Variants in FCHO2 observed in about 807,000 individuals in gnomAD.
The protein encoded by FCHO2 is F-BAR domain only protein 2.
A neutral mutation model predicts 114.1 loss-of-function variants in FCHO2; 43 were observed. The ratio of observed to expected loss-of-function variants is 0.38; its 90% confidence interval spans 0.30 to 0.49. FCHO2 has a LOEUF of 0.49. Ranked by LOEUF, FCHO2 falls within the 20% of genes least tolerant of loss-of-function variation. The pLI is 0.97. For synonymous variants in FCHO2, 293 were observed against 315.2 expected (o/e 0.93, Z 0.75); for missense variants, 807 against 950.4 (o/e 0.85, Z 1.98).
chr5:72,968,368 T>C, intron 1 of FCHO2, 130 bp from the exon 2 acceptor site: 1 of 587,288 alleles, frequency 1.7e-6, no homozygotes, highest in Non-Finnish European at 2.8e-6. Context: ...AATCATACAA[T>C]AAATGAGAAA....
intron 1 of FCHO2, among the ~76,000 whole-genome samples, chr5:72,962,657 A>G (rs59878574): frequency 0.013 from 1,922 of 152,162 alleles, 44 homozygotes; most frequent in African/African-American, 0.044. Context: ...CACTTTGGGA[A>G]GCTGAGGTGG....
chr5:72,996,585 A>C (rs1754119312), intron 5 of FCHO2, among the ~76,000 whole-genome samples: 1 of 116,134 alleles, frequency 8.6e-6, no homozygotes, highest in Admixed American at 9.9e-5. Flanking sequence ...TTCCCCAATT[A>C]ATCCTTCCCC....
intron 2 of FCHO2, among the ~76,000 whole-genome samples, chr5:72,989,034 C>T (rs1753688093): frequency 6.6e-6 from 1 of 151,900 alleles, no homozygotes; most frequent in Non-Finnish European, 1.5e-5. Flanking sequence ...CATAGCAAGG[C>T]CCCATCTCTA....
intron 22 of FCHO2, among the ~76,000 whole-genome samples, chr5:73,078,514 T>C (rs1043985757): frequency 6.6e-6 from 1 of 152,228 alleles, no homozygotes; most frequent in Non-Finnish European, 1.5e-5. Flanking sequence ...ATTAAAATAC[T>C]GAGTAAATTT....
intron 11 of FCHO2, among the ~76,000 whole-genome samples, chr5:73,048,571 A>T (rs1255578372): frequency 6.6e-6 from 1 of 152,238 alleles, no homozygotes; most frequent in East Asian, 1.9e-4. Flanking sequence ...ACCATAGTTT[A>T]TTCAGCTGTG....
rs1242402735 is a variant in FCHO2, at chr5:72,980,921, T to G, written c.126-8506T>G. ...CAATTTGCGAGTCTTTGTCTTTTAA[T>G]TGGGGCATTTAGCCTGTTTACATTT... On this transcript the variant is annotated intron_variant, in intron 2 of 25. Coordinates refer to ENST00000430046, the MANE Select transcript of FCHO2 (RefSeq NM_138782.3). 2.0e-5 allele frequency among the ~76,000 whole-genome samples: 3 copies of G among 152,218 alleles called. No homozygotes were observed. In the South Asian group the frequency reaches 6.2e-4, roughly 31 times the overall value.
At chr5:73,048,943 C>G (rs1347296389) in intron 11 of FCHO2, among the ~76,000 whole-genome samples, 1 of 134,550 alleles carries the variant, frequency 7.4e-6, no homozygotes, top group Non-Finnish European at 1.5e-5. Context: ...GTGGCGCGAT[C>G]TCGGCTCACT....
chr5:72,996,226 A>G (rs1025462771), intron 5 of FCHO2, among the ~76,000 whole-genome samples: 4 of 138,596 alleles, frequency 2.9e-5, no homozygotes, highest in African/African-American at 7.9e-5. Context: ...CTGGGCAACA[A>G]GAACGAAACT....
At chr5:73,001,600 T>C (rs1347290177) in intron 5 of FCHO2, among the ~76,000 whole-genome samples, 1 of 152,044 alleles carries the variant, frequency 6.6e-6, no homozygotes, top group African/African-American at 2.4e-5. Flanking sequence ...TTAAAGTTGA[T>C]TTGTAATTTC....
chr5:72,968,661 G>T (rs1199484186), intron 2 of FCHO2, 72 bp downstream of exon 2: 3 of 1,059,880 alleles, frequency 2.8e-6, no homozygotes, highest in Non-Finnish European at 4.0e-6. Context: ...ATAAATAATG[G>T]AGAAAACTTT....
intron 12 of FCHO2, among the ~76,000 whole-genome samples, chr5:73,051,655 C>T (rs1257149622): frequency 6.6e-6 from 1 of 152,098 alleles, no homozygotes; most frequent in Admixed American, 6.6e-5. Context: ...CAGCCTCTGC[C>T]TCCCGGGTTT....
chr5:73,024,003 C>T (rs1164600525), intron 8 of FCHO2, among the ~76,000 whole-genome samples: 1 of 152,096 alleles, frequency 6.6e-6, no homozygotes, highest in Non-Finnish European at 1.5e-5. Context: ...TACCTTTAAG[C>T]TCACTGCTTG....
chr5:73,077,972 A>G (rs1742971403), intron 21 of FCHO2, among the ~76,000 whole-genome samples: 1 of 152,164 alleles, frequency 6.6e-6, no homozygotes, highest in South Asian at 2.1e-4. Context: ...TGGTGCTAAT[A>G]GTTATTTTAA....
intron 13 of FCHO2, among the ~76,000 whole-genome samples, chr5:73,053,114 ATAAGT>A (rs766817262): frequency 2.0e-5 from 3 of 152,202 alleles, no homozygotes; most frequent in African/African-American, 2.4e-5. Context: ...AATTCTTAGG[ATAAGT>A]TAAGTATATC....
chr5:73,052,309 A>T, intron 12 of FCHO2, 23 bp from the exon 13 acceptor site: 1 of 1,581,066 alleles, frequency 6.3e-7, no homozygotes, highest in Non-Finnish European at 8.6e-7. Flanking sequence ...TAATTTAAAA[A>T]CAATTCTTTA....
chr5:73,080,557 C>T (rs987358140), intron 22 of FCHO2, among the ~76,000 whole-genome samples: 8 of 152,168 alleles, frequency 5.3e-5, no homozygotes, highest in African/African-American at 1.9e-4. Context: ...TCTATGTTTG[C>T]ATATGCCTGA....
intron 2 of FCHO2, among the ~76,000 whole-genome samples, chr5:72,978,264 T>C (rs1171297273): frequency 6.6e-6 from 1 of 152,254 alleles, no homozygotes; most frequent in Non-Finnish European, 1.5e-5. Context: ...TCCATTTGTT[T>C]GTGTCCTCTA....
rs1743367123 is a variant in FCHO2 at position 73,087,939 on chromosome 5, TG to T, written c.2411-128del. On this transcript the variant is annotated intron_variant, in intron 25 of 25. Transcript: ENST00000430046. ...CTTACGGTCAGTATAGCTGAACACC[TG>T]TTATCTGATTCTAATGTACTGTAAA... 7 of 1,410,702 alleles carry T rather than the reference TG, an allele frequency of 5.0e-6. No homozygotes were observed. The South Asian group carries it at 8.6e-5, about 17-fold the overall frequency. 87.4% of individuals were successfully genotyped at this position (1,410,702 alleles called of 1,614,324 possible). A position where few individuals can be genotyped will look rare whatever the true frequency, so the allele number is the denominator to read the frequency against.
intron 2 of FCHO2, among the ~76,000 whole-genome samples, chr5:72,982,638 A>G (rs1355315330): frequency 2.0e-5 from 3 of 152,198 alleles, no homozygotes; most frequent in South Asian, 4.1e-4. Flanking sequence ...GGTCTGGTGT[A>G]TTGGAGTGCC....
Sources: gnomAD v4.1 joint callset for allele counts (sites outside exome capture counted in the v4.1 genomes callset) on GRCh38, gnomAD v4.1.1 for gene constraint, MANE v1.5 for transcripts, NCBI Gene and HGNC (gene_info 2026-07-23, HGNC 2026-07-21) for gene names.